XPO7: variants seen among roughly 807,000 people sequenced by gnomAD.
XPO7 encodes the protein exportin-7.
Under a neutral mutation model 144.3 loss-of-function variants are expected in XPO7, and 21 were observed. The observed-to-expected ratio is 0.15, with a 90% CI of 0.10 to 0.21. The LOEUF is 0.21. Among genes scored for constraint, XPO7 ranks in the 10% least tolerant of loss-of-function variants. The probability of loss-of-function intolerance (pLI) is 1.00; values close to 1 mark genes in which losing one functional copy is unlikely to be tolerated. For synonymous variants in XPO7, 580 were observed against 499.6 expected (o/e 1.16, Z -2.15); for missense variants, 808 against 1,325.8 (o/e 0.61, Z 6.06).
At chr8:21,926,232 A>G (rs1166847905) in intron 1 of XPO7, among the ~76,000 whole-genome samples, 1 of 152,172 alleles carries the variant, frequency 6.6e-6, no homozygotes, top group African/African-American at 2.4e-5. Context: ...CCCTTGTACT[A>G]CTTCAGGAAA....
chr8:21,959,949 C>T (rs947875257), intron 1 of XPO7, among the ~76,000 whole-genome samples: 13 of 152,162 alleles, frequency 8.5e-5, no homozygotes, highest in African/African-American at 3.1e-4. Context: ...GTGTTTTAAC[C>T]GAATTTGGTG....
At chr8:21,919,899 C>T in intron 1 of XPO7, 111 bp downstream of exon 1, 1 of 255,730 alleles carries the variant, frequency 3.9e-6, no homozygotes, top group Non-Finnish European at 7.7e-6. Context: ...AGGCCCGCGC[C>T]GCCGCCACTC....
chr8:21,920,571 T>C (rs13439690), intron 1 of XPO7, among the ~76,000 whole-genome samples: 85,951 of 151,964 alleles, frequency 0.57, 24,824 homozygotes, highest in African/African-American at 0.69. Flanking sequence ...CAAGAGCTGC[T>C]CCTAGCGTGC....
chr8:21,979,526 G>C (rs1444229778), intron 8 of XPO7, among the ~76,000 whole-genome samples: 1 of 150,874 alleles, frequency 6.6e-6, no homozygotes, highest in Non-Finnish European at 1.5e-5. Context: ...TCCTCCCTCA[G>C]CCTCCCAAGT....
chr8:21,956,016 T>G (rs1811524009), intron 1 of XPO7, among the ~76,000 whole-genome samples: 3 of 152,130 alleles, frequency 2.0e-5, no homozygotes, highest in Non-Finnish European at 4.4e-5. Context: ...CATGAGCCAC[T>G]GCGCCCAGCC....
chr8:21,952,358 T>C (rs757766881), intron 1 of XPO7, among the ~76,000 whole-genome samples: 25 of 152,226 alleles, frequency 1.6e-4, no homozygotes, highest in Non-Finnish European at 3.2e-4. Context: ...CAGGAACTTA[T>C]AGAGAAAATG....
At chr8:21,962,423 A>C (rs1030310257) in intron 1 of XPO7, among the ~76,000 whole-genome samples, 7 of 152,188 alleles carry the variant, frequency 4.6e-5, no homozygotes, top group African/African-American at 1.4e-4. Context: ...AGCCTTGTGA[A>C]TAGTTTTTTG....
intron 1 of XPO7, among the ~76,000 whole-genome samples, chr8:21,931,402 C>T (rs945715837): frequency 2.6e-5 from 4 of 152,098 alleles, no homozygotes; most frequent in Non-Finnish European, 5.9e-5. Context: ...ACCTCAGCCT[C>T]CCAAATTGGT....
intron 1 of XPO7, chr8:21,966,304 A>G: frequency 1.3e-6 from 1 of 780,684 alleles, no homozygotes; most frequent in Non-Finnish European, 2.4e-6. Flanking sequence ...TGAGGGATCC[A>G]GGGAGGAAGG....
chr8:22,005,224 T>C lies in XPO7; in HGVS notation c.*136T>C. ...TGTGGGGAAAATGGCAAAGGTCAAC[T>C]AGCTGCTTCCCCAGGGAATAGGGGT... On this transcript the variant is annotated 3_prime_UTR_variant, in exon 28 of 28. Coordinates refer to ENST00000252512, the MANE Select transcript of XPO7 (RefSeq NM_015024.5). 1.6e-6 allele frequency: 1 copy of C among 624,300 alleles called. No individual in the cohort carries two copies. The highest frequency in any genetic ancestry group is 2.7e-6 in the Non-Finnish European group (1 of 376,314). The allele number at this position is 624,300 out of a possible 1,614,324, so 38.7% of individuals were successfully genotyped here.
intron 16 of XPO7, 106 bp downstream of exon 16, chr8:21,989,189 C>G: frequency 9.9e-7 from 1 of 1,015,066 alleles, no homozygotes; most frequent in Non-Finnish European, 1.4e-6. Context: ...GTAGTGTGTA[C>G]TCACATATCT....
At chr8:21,944,223 C>T (rs192507526) in intron 1 of XPO7, among the ~76,000 whole-genome samples, 5 of 152,224 alleles carry the variant, frequency 3.3e-5, no homozygotes, top group East Asian at 3.9e-4. Context: ...GACATTCATT[C>T]AGTATGCATT....
chr8:22,000,515 C>T (rs577860719), intron 24 of XPO7, among the ~76,000 whole-genome samples: 12 of 148,210 alleles, frequency 8.1e-5, no homozygotes, highest in African/African-American at 2.3e-4. Flanking sequence ...TGCAGTGGCG[C>T]GATCTCAGCT....
At chr8:21,937,400 G>T (rs924342106) in intron 1 of XPO7, among the ~76,000 whole-genome samples, 4 of 152,118 alleles carry the variant, frequency 2.6e-5, no homozygotes, top group African/African-American at 7.2e-5. Flanking sequence ...CTCTTAGTAC[G>T]CATGTAATAG....
chr8:21,987,409 T>A (rs1812615333), intron 14 of XPO7, 133 bp downstream of exon 14: 2 of 1,313,386 alleles, frequency 1.5e-6, no homozygotes, highest in Non-Finnish European at 2.1e-6. Context: ...TGTTTTCTCT[T>A]AGTCTTTAAA....
chr8:21,988,408 C>T (rs1812651737), intron 15 of XPO7: 1 of 156,930 alleles, frequency 6.4e-6, no homozygotes, highest in Non-Finnish European at 1.4e-5. Context: ...CGTTATACCC[C>T]TTTGGTTACA....
At chr8:21,969,746 C>G (rs1034196641) in intron 3 of XPO7, 170 bp downstream of exon 3, 8 of 650,106 alleles carry the variant, frequency 1.2e-5, no homozygotes, top group Non-Finnish European at 1.8e-5. Flanking sequence ...AGTGAAGGGC[C>G]CGACGCAATA....
At chr8:21,960,298 A>G (rs993932859) in intron 1 of XPO7, among the ~76,000 whole-genome samples, 2 of 152,264 alleles carry the variant, frequency 1.3e-5, no homozygotes, top group African/African-American at 4.8e-5. Context: ...TCAGGGCGTC[A>G]GATTGAAACC....
Position 21,987,014 on chromosome 8 carries a change from T to C in XPO7, c.1578-127T>C, listed in dbSNP as rs1035807436. ...GTCCTGCCTCCCTCATTTATGTAGA[T>C]GAATTTGGTTGCAGGAGGTTGCTGT... On this transcript the variant is annotated intron_variant, in intron 13 of 27. Transcript: ENST00000252512. The C allele has an allele frequency of 7.6e-6, 10 of 1,309,598 alleles. No homozygotes were observed. The African/African-American group carries it at 1.3e-4, about 17-fold the overall frequency. The allele number at this position is 1,309,598 out of a possible 1,614,324, so 81.1% of individuals were successfully genotyped here. A position where few individuals can be genotyped will look rare whatever the true frequency, so the allele number is the denominator to read the frequency against.
Sources: allele counts gnomAD v4.1 joint callset (sites outside exome capture counted in the v4.1 genomes callset), GRCh38; gene constraint gnomAD v4.1.1; transcripts MANE v1.5; gene names NCBI Gene and HGNC (gene_info 2026-07-23, HGNC 2026-07-21).